The following ICE1 variants were observed in gnomAD, a reference collection of about 807,000 sequenced individuals.
The protein encoded by ICE1 is little elongation complex subunit 1.
Under a neutral mutation model 192.7 loss-of-function variants are expected in ICE1, and 64 were observed. The ratio of observed to expected loss-of-function variants is 0.33; its 90% CI spans 0.27 to 0.41. The LOEUF (loss-of-function observed/expected upper bound fraction) is 0.41. Ranked by LOEUF, ICE1 falls within the 10% of genes least tolerant of loss-of-function variation. The probability of loss-of-function intolerance (pLI) is 1.00; values close to 1 mark genes in which losing one functional copy is unlikely to be tolerated. For missense variants in ICE1, 2,708 were observed against 2,696.0 expected, an observed-to-expected ratio of 1.00 and a Z score of -0.10; for synonymous variants, 1,010 against 984.5, an observed-to-expected ratio of 1.03 and a Z score of -0.49.
At chr5:5,479,566 A>G (rs966662353) in intron 17 of ICE1, among the ~76,000 whole-genome samples, 5 of 152,214 alleles carry the variant, frequency 3.3e-5, no homozygotes, top group Non-Finnish European at 7.3e-5. Context: ...CAGAAATACC[A>G]TTTGACCCAG....
intron 13 of ICE1, among the ~76,000 whole-genome samples, chr5:5,465,474 G>A (rs1738957822): frequency 6.6e-6 from 1 of 152,022 alleles, no homozygotes; most frequent in East Asian, 1.9e-4. Context: ...TATCTGTCAG[G>A]ACTAAAATTA....
At chr5:5,441,413 G>A (rs1486946872) in intron 5 of ICE1, among the ~76,000 whole-genome samples, 190 bp downstream of exon 5, 1 of 152,188 alleles carries the variant, frequency 6.6e-6, no homozygotes, top group African/African-American at 2.4e-5. Flanking sequence ...GTGATTATTA[G>A]CTCTGCAATA....
intron 10 of ICE1, among the ~76,000 whole-genome samples, chr5:5,454,205 T>A (rs981822195): frequency 2.0e-5 from 3 of 152,212 alleles, no homozygotes; most frequent in Non-Finnish European, 4.4e-5. Context: ...CAAAGCACTC[T>A]CTGGTGAAAA....
At chr5:5,485,471 G>A (rs1318660674) in intron 17 of ICE1, among the ~76,000 whole-genome samples, 1 of 152,204 alleles carries the variant, frequency 6.6e-6, no homozygotes, top group Admixed American at 6.5e-5. Flanking sequence ...CAAATACACA[G>A]TTAATGGAGG....
intron 12 of ICE1, among the ~76,000 whole-genome samples, chr5:5,458,107 C>T (rs1738642286): frequency 6.6e-6 from 1 of 152,216 alleles, no homozygotes. Flanking sequence ...ATGTATATAG[C>T]ATCCATGCCC....
At position 5,479,833 on chromosome 5, in the gene ICE1, C is replaced by T. The variant is rs549954226; in HGVS notation, c.6520+3754C>T. 9.9e-5 allele frequency among the ~76,000 whole-genome samples: 15 copies of T among 152,142 alleles called. No individual in the cohort carries two copies. In the East Asian group the frequency reaches 2.1e-3, roughly 22 times the overall value. On this transcript the variant is annotated intron_variant, in intron 17 of 18. Coordinates refer to ENST00000296564, the MANE Select transcript of ICE1 (RefSeq NM_015325.3). ...GAAGCCATCATTCTCAGCAAACTAA[C>T]ACAGGAACAGAAACCCAAGCACTGC...
rs1737342886 is a variant in ICE1, at chr5:5,422,742, CTCGGA to C, written c.-173_-169del. On this transcript the variant is annotated 5_prime_UTR_variant, in exon 1 of 19. Coordinates refer to ENST00000296564, the MANE Select transcript of ICE1 (RefSeq NM_015325.3). ...TTTTTAGTGCCTGAGGCAGCTCTGG[CTCGGA>C]GAGCCTTTTGCTAGCCCCACGGGGA... is the stretch of plus-strand genomic sequence containing the variant. The C allele has an allele frequency of 2.6e-6, 1 of 378,532 alleles. No homozygotes were observed. Among genetic ancestry groups the C allele is most frequent in the Non-Finnish European group, 4.6e-6 (1 of 217,290 alleles). The allele number at this position is 378,532 out of a possible 1,614,324, so 23.4% of individuals were successfully genotyped here.
chr5:5,463,423 G>T lies in ICE1; in HGVS notation c.4089G>T (p.Leu1363=), dbSNP rs1213053513. 1.2e-6 allele frequency: 2 copies of T among 1,613,220 alleles called. No individual in the cohort carries two copies. Among genetic ancestry groups the T allele is most frequent in the African/African-American group, 2.7e-5 (2 of 74,894 alleles). The part of the protein sequence containing the change: ...GRQTDGGEED[L]PEPVEPSALC... ...AAACCGATGGTGGGGAAGAAGACCT[G>T]CCAGAACCTGTGGAGCCATCAGCCT... The change falls in exon 13 of 19, where the codon CTG becomes CTT. Residue 1363 remains leucine, a synonymous_variant. Transcript: ENST00000296564.
intron 3 of ICE1, among the ~76,000 whole-genome samples, chr5:5,438,997 T>A (rs1218501444): frequency 6.6e-6 from 1 of 152,202 alleles, no homozygotes; most frequent in African/African-American, 2.4e-5. Flanking sequence ...ATAATTTGAT[T>A]CCTTTTGCTA....
At chr5:5,467,007 A>G (rs892203956) in intron 14 of ICE1, among the ~76,000 whole-genome samples, 3 of 152,222 alleles carry the variant, frequency 2.0e-5, no homozygotes, top group Non-Finnish European at 4.4e-5. Context: ...TGCTGTATCA[A>G]ATCATCAGTA....
In ICE1 at chr5:5,432,356, T is replaced by C. The variant is rs1455419614; in HGVS notation, c.85-4062T>C. Among the ~76,000 whole-genome samples the C allele has an allele frequency of 2.0e-5, 3 of 152,254 alleles. No homozygotes were observed. The East Asian group carries it at 5.8e-4, about 29-fold the overall frequency. ...AGGTTGGTCCATGTTGTAGCATGTA[T>C]CATTCGTTCATTTTCATTGTCAAAT... On this transcript the variant is annotated intron_variant, in intron 1 of 18. Coordinates refer to ENST00000296564, the MANE Select transcript of ICE1 (RefSeq NM_015325.3).
At chr5:5,448,407 CACT>C (rs1738309102) in intron 10 of ICE1, among the ~76,000 whole-genome samples, 2 of 152,164 alleles carry the variant, frequency 1.3e-5, no homozygotes, top group Non-Finnish European at 2.9e-5. Context: ...TGTGGACACA[CACT>C]GCGTTACTGA....
At chr5:5,424,923 A>G (rs2111325234) in intron 1 of ICE1, among the ~76,000 whole-genome samples, 1 of 152,292 alleles carries the variant, frequency 6.6e-6, no homozygotes, top group Non-Finnish European at 1.5e-5. Context: ...GGGCTCCTGT[A>G]GACCATTGTT....
chr5:5,470,050 C>T (rs371007436), intron 15 of ICE1, among the ~76,000 whole-genome samples: 177 of 152,174 alleles, frequency 1.2e-3, no homozygotes, highest in African/African-American at 4.0e-3. Flanking sequence ...GTTACCTGTT[C>T]CCAGAGAATT....
chr5:5,461,986 GCCTACCTTAGTAA>G lies in ICE1; in HGVS notation c.2654_2666del (p.Pro885GlnfsTer13). 6.2e-7 allele frequency: 1 copy of G among 1,613,946 alleles called. No individual in the cohort carries two copies. The highest frequency in any genetic ancestry group is 8.5e-7 in the Non-Finnish European group (1 of 1,179,890). On this transcript the variant is annotated frameshift_variant, in exon 13 of 19. Coordinates refer to ENST00000296564, the MANE Select transcript of ICE1 (RefSeq NM_015325.3). LOFTEE classifies it high-confidence loss of function. Reference sequence around the variant, plus strand: ...AACACTTGAGGCCACATAGGGTTGAGCCTACCTTAGTAACAGAAAATAGTGGCAACAAAACCGG... The same window carrying G: ...AACACTTGAGGCCACATAGGGTTGAGCAGAAAATAGTGGCAACAAAACCGG...
chr5:5,466,637 T>A, intron 14 of ICE1, 135 bp downstream of exon 14: 2 of 746,400 alleles, frequency 2.7e-6, no homozygotes, highest in Non-Finnish European at 4.2e-6. Context: ...TGAATAGCTT[T>A]AGCTATACCC....
rs191189799 is a variant in ICE1 at position 5,436,067 on chromosome 5, G to A, written c.85-351G>A. On this transcript the variant is annotated intron_variant, in intron 1 of 18. Coordinates refer to ENST00000296564, the MANE Select transcript of ICE1 (RefSeq NM_015325.3). Reference sequence around the variant, plus strand: ...TGTTGTTATTTTTTATGATTTATGTGTCTTTTGGGGTAGCCTTAAATCCTC... The same window carrying A: ...TGTTGTTATTTTTTATGATTTATGTATCTTTTGGGGTAGCCTTAAATCCTC... 1.6e-3 allele frequency among the ~76,000 whole-genome samples: 237 copies of A among 152,078 alleles called. 1 individual carries two copies. The highest frequency in any genetic ancestry group is 5.5e-3 in the African/African-American group (227 of 41,480).
In ICE1 at chr5:5,464,549, G is replaced by A. The variant is rs61737045; in HGVS notation, c.5215G>A (p.Ala1739Thr). 8.5e-3 allele frequency: 13,769 copies of A among 1,613,548 alleles called. 1,009 individuals are homozygous for A. In the African/African-American group the frequency reaches 0.16, roughly 19 times the overall value. ...ACTCCCACCCTGTGCATCTGGCCACGCTGCTGTGGGAGGGCCTCAGGAGAA... is the reference window on the plus strand; with the variant it reads ...ACTCCCACCCTGTGCATCTGGCCACACTGCTGTGGGAGGGCCTCAGGAGAA... ...GRLPPCASGH[A>T]AVGGPQENSV... Residue 1739 changes from alanine (A) to threonine (T), a missense_variant, in exon 13 of 19, where the codon GCT (alanine) becomes ACT (threonine). Transcript: ENST00000296564. This position sits in a 1 kb window ranked among gnomAD's most constrained non-coding sequence, Gnocchi z 4.0.
intron 10 of ICE1, among the ~76,000 whole-genome samples, chr5:5,451,865 C>A (rs1738428256): frequency 6.6e-6 from 1 of 152,066 alleles, no homozygotes; most frequent in Non-Finnish European, 1.5e-5. Flanking sequence ...ATAGCATGCA[C>A]ACATGTTCTC....
Sources: gnomAD v4.1 joint callset for allele counts (sites outside exome capture counted in the v4.1 genomes callset) on GRCh38, gnomAD v4.1.1 for gene constraint, Gnocchi (gnomAD v3.1) non-coding constraint, MANE v1.5 for transcripts, NCBI Gene and HGNC (gene_info 2026-07-23, HGNC 2026-07-21) for gene names.